Variants in LRFN2 observed in about 807,000 individuals in gnomAD.
LRFN2 encodes leucine rich repeat and fibronectin type III domain containing 2, also known as leucine-rich repeat and fibronectin type-III domain-containing protein 2.
A neutral mutation model predicts 37.3 loss-of-function variants in LRFN2; 18 were observed. That is an observed-to-expected ratio of 0.48 (90% confidence interval 0.33 to 0.72). LRFN2 has a LOEUF of 0.72. Ranked by LOEUF, LRFN2 falls within the 30% of genes least tolerant of loss-of-function variation. The pLI is 0.02. For synonymous variants in LRFN2, 556 were observed against 466.6 expected (o/e 1.19, Z -2.47); for missense variants, 1,006 against 1,060.7 (o/e 0.95, Z 0.72).
At chr6:40,479,825 G>T (rs902621990) in intron 1 of LRFN2, among the ~76,000 whole-genome samples, 1 of 152,010 alleles carries the variant, frequency 6.6e-6, no homozygotes, top group Non-Finnish European at 1.5e-5. Context: ...CCTGGGCCAC[G>T]TTCCTCCTTC....
intron 1 of LRFN2, among the ~76,000 whole-genome samples, chr6:40,551,405 A>C (rs977624480): frequency 4.6e-5 from 7 of 152,228 alleles, no homozygotes; most frequent in African/African-American, 1.7e-4. Context: ...AGAGCCAATG[A>C]GAAATGGAGC....
At chr6:40,475,947 G>A (rs969539258) in intron 1 of LRFN2, among the ~76,000 whole-genome samples, 2 of 152,188 alleles carry the variant, frequency 1.3e-5, no homozygotes, top group Non-Finnish European at 2.9e-5. Flanking sequence ...CCCTAGAGTG[G>A]TGGTGTGACT....
intron 1 of LRFN2, among the ~76,000 whole-genome samples, chr6:40,484,167 AT>A (rs1338663287): frequency 6.6e-6 from 1 of 152,186 alleles, no homozygotes; most frequent in African/African-American, 2.4e-5. Context: ...CCTCCTCATC[AT>A]AAAGGAAATA....
chr6:40,478,415 C>T (rs1453168306), intron 1 of LRFN2, among the ~76,000 whole-genome samples: 1 of 152,220 alleles, frequency 6.6e-6, no homozygotes, highest in Non-Finnish European at 1.5e-5. Context: ...CTTATACATT[C>T]ATTTAATCCT....
At chr6:40,463,614 C>T (rs12189963) in intron 1 of LRFN2, among the ~76,000 whole-genome samples, 38,568 of 151,088 alleles carry the variant, frequency 0.26, 5,978 homozygotes, top group Middle Eastern at 0.43. Flanking sequence ...GTGATACTTA[C>T]TCCACTCCAT....
At chr6:40,530,186 G>A (rs894138777) in intron 1 of LRFN2, among the ~76,000 whole-genome samples, 1 of 152,192 alleles carries the variant, frequency 6.6e-6, no homozygotes, top group African/African-American at 2.4e-5. Flanking sequence ...AAGCATACAG[G>A]CCTGCTCGGG....
At chr6:40,408,391 C>G (rs1762892780) in intron 2 of LRFN2, among the ~76,000 whole-genome samples, 1 of 152,084 alleles carries the variant, frequency 6.6e-6, no homozygotes, top group South Asian at 2.1e-4. Context: ...GTTCTATTGT[C>G]TATGGGCTTG....
rs1581776647 is a variant in LRFN2, at chr6:40,523,566, G to A, written c.-19+63375C>T. 2.3e-5 allele frequency among the ~76,000 whole-genome samples: 3 copies of A among 127,670 alleles called. No individual in the cohort carries two copies. In the South Asian group the frequency reaches 7.8e-4, roughly 33 times the overall value. 83.8% of individuals were successfully genotyped at this position (127,670 alleles called of 152,430 possible). On this transcript the variant is annotated intron_variant, in intron 1 of 2. Transcript: ENST00000338305. ...TAGCCCTATGAAGAAGGCATAACAAGACTTTACCACAGAGGCTACGAATAA... is the reference window on the plus strand; with the variant it reads ...TAGCCCTATGAAGAAGGCATAACAAAACTTTACCACAGAGGCTACGAATAA...
At chr6:40,468,916 G>A (rs145711436) in intron 1 of LRFN2, among the ~76,000 whole-genome samples, 1 of 152,336 alleles carries the variant, frequency 6.6e-6, no homozygotes, top group African/African-American at 2.4e-5. Flanking sequence ...AGGGACAGGA[G>A]CTCATCTGAG....
At chr6:40,425,705 G>A (rs780309513) in intron 2 of LRFN2, among the ~76,000 whole-genome samples, 10 of 152,242 alleles carry the variant, frequency 6.6e-5, no homozygotes, top group Non-Finnish European at 1.5e-4. Context: ...GGCCCTGCTG[G>A]TGGACTGTCT....
At chr6:40,413,657 G>A (rs946787089) in intron 2 of LRFN2, among the ~76,000 whole-genome samples, 6 of 152,160 alleles carry the variant, frequency 3.9e-5, no homozygotes, top group Non-Finnish European at 8.8e-5. Flanking sequence ...TGGAAGGCAT[G>A]CATCAGCCTG....
intron 2 of LRFN2, among the ~76,000 whole-genome samples, chr6:40,426,659 G>A (rs10947885): frequency 0.026 from 3,894 of 152,274 alleles, 81 homozygotes; most frequent in East Asian, 0.079. Flanking sequence ...ATGTGTGCGT[G>A]TATGTCTTTT....
chr6:40,536,277 A>C (rs1766447686), intron 1 of LRFN2, among the ~76,000 whole-genome samples: 1 of 151,578 alleles, frequency 6.6e-6, no homozygotes, highest in Admixed American at 6.6e-5. Flanking sequence ...AGGGAGCCCC[A>C]CTCTGAGGGA....
At chr6:40,489,406 G>A (rs775596665) in intron 1 of LRFN2, among the ~76,000 whole-genome samples, 10 of 152,204 alleles carry the variant, frequency 6.6e-5, no homozygotes, top group South Asian at 2.1e-4. Flanking sequence ...TGAGGTGTGC[G>A]GTTAAGAAGA....
At chr6:40,418,254 G>A (rs1763140668) in intron 2 of LRFN2, among the ~76,000 whole-genome samples, 1 of 151,970 alleles carries the variant, frequency 6.6e-6, no homozygotes, top group Admixed American at 6.6e-5. Context: ...CTCCATTCAG[G>A]TCTCCACTCC....
chr6:40,582,663 G>A (rs1054760235), intron 1 of LRFN2, among the ~76,000 whole-genome samples: 1 of 147,744 alleles, frequency 6.8e-6, no homozygotes, highest in African/African-American at 2.5e-5. Flanking sequence ...TCTCTTCAGG[G>A]CCCCCATACC....
In LRFN2 at chr6:40,392,840, C is replaced by A. The variant is rs754153727; in HGVS notation, c.1473G>T (p.Val491=). The A allele has an allele frequency of 6.2e-7, 1 of 1,614,042 alleles. No homozygotes were observed. The highest frequency in any genetic ancestry group is 2.2e-5 in the East Asian group (1 of 44,852). The stretch of plus-strand genomic sequence containing the variant: ...TGGCTGTGTCATCCCACATGGCCAG[C>A]ACACACAAGTCGTAGCCAGTCCCTG... ...LVSGTGYDLC[V]LAMWDDTATT... is the part of the protein sequence containing the mutation. Residue 491 remains valine, a synonymous_variant, in exon 3 of 3, where the codon GTG becomes GTT. Coordinates refer to ENST00000338305, the MANE Select transcript of LRFN2 (RefSeq NM_020737.3). This position sits in a 1 kb window ranked among gnomAD's most constrained non-coding sequence, Gnocchi z 4.7.
At position 40,392,255 on chromosome 6, in the gene LRFN2, C is replaced by A; in HGVS notation, c.2058G>T (p.Thr686=). The change falls in exon 3 of 3, where the codon ACG becomes ACT. Residue 686 remains threonine (T), a synonymous_variant. Transcript: ENST00000338305. This position sits in a 1 kb window ranked among gnomAD's most constrained non-coding sequence, Gnocchi z 4.7. The part of the protein sequence containing the change: ...SRTPAGRGAG[T]SARGHHSDRE... The stretch of plus-strand genomic sequence containing the variant: ...GGTCCGAGTGGTGGCCCCGGGCCGA[C>A]GTCCCAGCCCCTCTCCCGGCTGGAG... 3 of 1,585,164 alleles carry A rather than the reference C, an allele frequency of 1.9e-6. No individual in the cohort carries two copies. The highest frequency in any genetic ancestry group is 2.3e-5 in the South Asian group (2 of 85,698).
chr6:40,483,816 C>T (rs1448259683), intron 1 of LRFN2, among the ~76,000 whole-genome samples: 2 of 152,134 alleles, frequency 1.3e-5, no homozygotes, highest in Non-Finnish European at 2.9e-5. Flanking sequence ...CAGGTTCTGA[C>T]ATTATATCCC....
Sources: gnomAD v4.1 joint callset for allele counts (sites outside exome capture counted in the v4.1 genomes callset) on GRCh38, gnomAD v4.1.1 for gene constraint, Gnocchi (gnomAD v3.1) non-coding constraint, MANE v1.5 for transcripts, NCBI Gene and HGNC (gene_info 2026-07-23, HGNC 2026-07-21) for gene names.